The following ZNF774 variants were observed in gnomAD, a reference collection of about 807,000 sequenced individuals.
ZNF774 encodes zinc finger protein 774.
In ZNF774, 14 loss-of-function variants were observed where a neutral mutation model predicts 11.1. The observed-to-expected ratio is 1.26, with a 90% CI of 0.83 to 1.97. The LOEUF (loss-of-function observed/expected upper bound fraction) is 1.97, where lower values mean the gene tolerates loss of function less well. ZNF774 is among the 30% of genes most tolerant of loss of function. The probability of loss-of-function intolerance (pLI) is 0.00; values close to 1 mark genes in which losing one functional copy is unlikely to be tolerated. For missense variants in ZNF774, 599 were observed against 587.0 expected (o/e 1.02, Z -0.21); for synonymous variants, 195 against 212.6 (o/e 0.92, Z 0.72).
chr15:90,359,104 C>T (rs11630434), intron 3 of ZNF774, 147 bp downstream of exon 3: 52,069 of 506,806 alleles, frequency 0.1, 3,432 homozygotes, highest in African/African-American at 0.18. Flanking sequence ...CTCGCTCTGT[C>T]GCCCAGGCCG....
At chr15:90,356,040 AT>A (rs552439143) in intron 2 of ZNF774, among the ~76,000 whole-genome samples, 8,570 of 90,874 alleles carry the variant, frequency 0.094, 1,229 homozygotes, top group African/African-American at 0.29. Flanking sequence ...AAAAAAAAAA[AT>A]AAATAAAAAA....
chr15:90,359,940 A>C (rs1317539419), intron 3 of ZNF774, 103 bp from the exon 4 acceptor site: 2 of 1,277,658 alleles, frequency 1.6e-6, no homozygotes, highest in Non-Finnish European at 2.1e-6. Context: ...AATTAAGTGC[A>C]GTCTGCTGCA....
Position 90,361,192 on chromosome 15 carries a change from C to T in ZNF774, c.1361C>T (p.Thr454Ile), listed in dbSNP as rs780538470. ...TTCCTCACACACCAGAGAACGCATA[C>T]AGGAGAAAAACCTTTCCACTGTAGT... ...SHFLTHQRTHTGEKPFHCSKC... is the reference protein window; with the variant it reads ...SHFLTHQRTHIGEKPFHCSKC... Residue 454 changes from threonine to isoleucine, a missense_variant, in exon 4 of 4, where the codon ACA (threonine) becomes ATA (isoleucine). Physicochemically the swap from Thr to Ile is moderately conservative, Grantham distance 89 (BLOSUM62 -1). Coordinates refer to ENST00000354377, the MANE Select transcript of ZNF774 (RefSeq NM_001004309.3). The T allele has an allele frequency of 8.7e-6, 14 of 1,614,058 alleles. No homozygotes were observed. In the South Asian group the frequency reaches 1.3e-4, roughly 15 times the overall value.
chr15:90,357,773 T>C (rs919267159), intron 2 of ZNF774, among the ~76,000 whole-genome samples: 7 of 152,186 alleles, frequency 4.6e-5, no homozygotes, highest in Admixed American at 2.6e-4. Flanking sequence ...GATTTCTCCA[T>C]GTTGGACAGG....
At position 90,360,112 on chromosome 15, in the gene ZNF774, C is replaced by G; in HGVS notation, c.281C>G (p.Ser94Ter). 1 of 1,614,164 alleles carries G rather than the reference C, an allele frequency of 6.2e-7. No individual in the cohort carries two copies. The highest frequency in any genetic ancestry group is 8.5e-7 in the Non-Finnish European group (1 of 1,180,036). The part of the protein sequence containing the change: ...SETAEQCGTS[S>*]ERTNKDLSHT... ...ACAGCAGAACAATGTGGAACATCCT[C>G]AGAAAGGACCAATAAAGATCTTTCT... Residue 94 changes from serine to a stop codon, truncating the protein, a stop_gained, in exon 4 of 4, where the codon TCA becomes TGA. Transcript: ENST00000354377. LOFTEE classifies it low-confidence loss of function (END_TRUNC).
intron 2 of ZNF774, chr15:90,355,347 C>G: frequency 2.2e-6 from 1 of 456,070 alleles, no homozygotes; most frequent in South Asian, 1.5e-5. Context: ...TCCCCCTTTT[C>G]CAGCCTGGGT....
In ZNF774 at chr15:90,360,628, T is replaced by C. The variant is rs1273465591; in HGVS notation, c.797T>C (p.Leu266Pro). The C allele has an allele frequency of 6.2e-7, 1 of 1,614,024 alleles. No homozygotes were observed. The highest frequency in any genetic ancestry group is 1.3e-5 in the African/African-American group (1 of 74,976). Residue 266 changes from leucine (L) to proline (P), a missense_variant, in exon 4 of 4, where the codon CTG becomes CCG. Transcript: ENST00000354377. ...ACAGGCGAGAAGCCCTACGCGTGCC[T>C]GGAATGTCACAAAAGCTTCAGTCGA... ...THTGEKPYAC[L>P]ECHKSFSRSS...
Position 90,361,871 on chromosome 15 carries a change from A to C in ZNF774, c.*588A>C, listed in dbSNP as rs1964341918. ...ATGAGAAGTGAGAAAAATGTGGCCT[A>C]GAGATCACATGTTCACCACCTAGTA... On this transcript the variant is annotated 3_prime_UTR_variant, in exon 4 of 4. Coordinates refer to ENST00000354377, the MANE Select transcript of ZNF774 (RefSeq NM_001004309.3). 1 of 154,696 alleles carries C rather than the reference A, an allele frequency of 6.5e-6. No homozygotes were observed. Among genetic ancestry groups the C allele is most frequent in the South Asian group, 2.0e-4 (1 of 5,022 alleles). The allele number at this position is 154,696 out of a possible 1,614,324, so 9.6% of individuals were successfully genotyped here. A position where few individuals can be genotyped will look rare whatever the true frequency, so the allele number is the denominator to read the frequency against.
intron 2 of ZNF774, among the ~76,000 whole-genome samples, chr15:90,356,418 A>C (rs1964250141): frequency 6.6e-6 from 1 of 151,862 alleles, no homozygotes; most frequent in East Asian, 1.9e-4. Flanking sequence ...GCTGGTCTTG[A>C]ACTCCTGACC....
chr15:90,360,860 A>G lies in ZNF774; in HGVS notation c.1029A>G (p.Gly343=). ...TAGCTCACATGAGCACTCATTCAGG[A>G]GAGAGGCCTTTCAGTTGTCCTGACT... The part of the protein sequence containing the change: ...HFVAHMSTHS[G]ERPFSCPDCH... The change falls in exon 4 of 4, where the codon GGA becomes GGG. Residue 343 remains glycine (G), a synonymous_variant. Coordinates refer to ENST00000354377, the MANE Select transcript of ZNF774 (RefSeq NM_001004309.3). The G allele has an allele frequency of 1.2e-6, 2 of 1,614,116 alleles. No individual in the cohort carries two copies. The highest frequency in any genetic ancestry group is 8.5e-7 in the Non-Finnish European group (1 of 1,180,018).
At chr15:90,359,809 C>T (rs79376695) in intron 3 of ZNF774, among the ~76,000 whole-genome samples, 1,662 of 152,208 alleles carry the variant, frequency 0.011, 37 homozygotes, top group East Asian at 0.09. Flanking sequence ...ATGTGGTCTC[C>T]GCTTGAAGGA....
chr15:90,359,934 A>G, intron 3 of ZNF774, 109 bp from the exon 4 acceptor site: 1 of 1,222,182 alleles, frequency 8.2e-7, no homozygotes, highest in South Asian at 1.6e-5. Context: ...CGGTTGAATT[A>G]AGTGCAGTCT....
At chr15:90,355,733 A>C (rs1364828707) in intron 2 of ZNF774, among the ~76,000 whole-genome samples, 2 of 145,554 alleles carry the variant, frequency 1.4e-5, no homozygotes, top group Non-Finnish European at 3.0e-5. Flanking sequence ...AAAAAAAAAA[A>C]AAAAAAAAAA....
intron 1 of ZNF774, 37 bp from the exon 2 acceptor site, chr15:90,354,604 AG>A: frequency 7.3e-7 from 1 of 1,361,770 alleles, no homozygotes; most frequent in Non-Finnish European, 1.0e-6. Context: ...GAGAATATCT[AG>A]GGAGCTACTG....
At chr15:90,358,747 C>T (rs918967601) in intron 2 of ZNF774, 104 bp from the exon 3 acceptor site, 2 of 780,814 alleles carry the variant, frequency 2.6e-6, no homozygotes, top group African/African-American at 1.8e-5. Context: ...CGTTAGAGCT[C>T]CCCAGGTGTT....
In ZNF774 at chr15:90,361,448, C is replaced by A; in HGVS notation, c.*165C>A. 7.0e-7 allele frequency: 1 copy of A among 1,419,414 alleles called. No individual in the cohort carries two copies. Among genetic ancestry groups the A allele is most frequent in the Non-Finnish European group, 9.2e-7 (1 of 1,091,516 alleles). The allele number at this position is 1,419,414 out of a possible 1,614,324, so 87.9% of individuals were successfully genotyped here. ...AACAGAGAGGATAAACTTAAAGGGT[C>A]CAAATAACGGTCCGAATACAAAAGG... On this transcript the variant is annotated 3_prime_UTR_variant, in exon 4 of 4. Coordinates refer to ENST00000354377, the MANE Select transcript of ZNF774 (RefSeq NM_001004309.3).
At chr15:90,357,170 C>T (rs748873705) in intron 2 of ZNF774, among the ~76,000 whole-genome samples, 5 of 152,012 alleles carry the variant, frequency 3.3e-5, no homozygotes, top group South Asian at 2.1e-4. Context: ...TATGAAAGTG[C>T]GCATTTCTTT....
intron 2 of ZNF774, among the ~76,000 whole-genome samples, chr15:90,357,614 C>T (rs758389050): frequency 6.6e-6 from 1 of 152,194 alleles, no homozygotes; most frequent in Non-Finnish European, 1.5e-5. Context: ...ATGTGTTGCC[C>T]AGGCTGGAAT....
At chr15:90,355,217 A>G (rs1964227291) in intron 2 of ZNF774, 1 of 447,960 alleles carries the variant, frequency 2.2e-6, no homozygotes, top group Admixed American at 2.4e-5. Context: ...TGTAAGATTA[A>G]TTGTTGCCTC....
Sources: allele counts gnomAD v4.1 joint callset (sites outside exome capture counted in the v4.1 genomes callset), GRCh38; gene constraint gnomAD v4.1.1; transcripts MANE v1.5; gene names NCBI Gene and HGNC (gene_info 2026-07-23, HGNC 2026-07-21).